TMEM116: variants seen among roughly 807,000 people sequenced by gnomAD.
The protein encoded by TMEM116 is transmembrane protein 116.
A neutral mutation model predicts 44.3 loss-of-function variants in TMEM116; 38 were observed. The observed-to-expected ratio is 0.86, with a 90% CI of 0.66 to 1.12. TMEM116 has a LOEUF of 1.12. Ranked by LOEUF, TMEM116 falls within the 50% of genes most tolerant of loss-of-function variation. The pLI is 0.00. For synonymous variants in TMEM116, 132 were observed against 144.8 expected, an observed-to-expected ratio of 0.91 and a Z score of 0.64; for missense variants, 354 against 401.7, an observed-to-expected ratio of 0.88 and a Z score of 1.01.
chr12:111,942,869 A>G lies in TMEM116; in HGVS notation c.315+396T>C, dbSNP rs1020200138. ...TCAAAAGAATGGAAACAGTGGGAAC[A>G]CGTTTTTTCTTCAATTAACCTCCAT... On this transcript the variant is annotated intron_variant, in intron 5 of 10. Transcript: ENST00000552374. 7.2e-5 allele frequency among the ~76,000 whole-genome samples: 11 copies of G among 152,162 alleles called. 1 individual carries two copies. Among genetic ancestry groups the G allele is most frequent in the African/African-American group, 2.6e-4 (11 of 41,526 alleles).
At position 111,963,431 on chromosome 12, in the gene TMEM116, C is replaced by T. The variant is rs565445716; in HGVS notation, c.211-20062G>A. ...AAGCCTTGGAACCAACCCAAATGCCCGTCAATGATAGACTGGATAAAGAAA... is the reference window on the plus strand; with the variant it reads ...AAGCCTTGGAACCAACCCAAATGCCTGTCAATGATAGACTGGATAAAGAAA... On this transcript the variant is annotated intron_variant, in intron 4 of 10. Transcript: ENST00000552374. 2.0e-5 allele frequency among the ~76,000 whole-genome samples: 3 copies of T among 152,250 alleles called. No homozygotes were observed. In the South Asian group the frequency reaches 6.2e-4, roughly 32 times the overall value.
chr12:112,006,877 T>A (rs928828703), intron 1 of TMEM116, among the ~76,000 whole-genome samples: 2 of 152,220 alleles, frequency 1.3e-5, no homozygotes, highest in Admixed American at 6.5e-5. Flanking sequence ...ATCACTTGCG[T>A]CGCTAGAGTA....
chr12:111,971,346 C>T (rs1320245356), intron 4 of TMEM116, among the ~76,000 whole-genome samples: 3 of 151,692 alleles, frequency 2.0e-5, no homozygotes, highest in African/African-American at 7.3e-5. Context: ...AAGAAAAATG[C>T]ATGACAACAA....
In TMEM116 at chr12:111,943,343, G is replaced by A; in HGVS notation, c.237C>T (p.Tyr79=). 6.2e-7 allele frequency: 1 copy of A among 1,613,818 alleles called. No individual in the cohort carries two copies. Among genetic ancestry groups the A allele is most frequent in the Non-Finnish European group, 8.5e-7 (1 of 1,179,716 alleles). The stretch of plus-strand genomic sequence containing the variant: ...ACAAATACCAGATGTAATTGACGGT[G>A]TAGAGAAATGAGGAAATGTAGAATA... ...GQIFYISSFL[Y]TVNYIWYLYT... is the part of the protein sequence containing the mutation. Residue 79 remains tyrosine, a synonymous_variant, in exon 5 of 11, where the codon TAC becomes TAT. Transcript: ENST00000552374.
intron 4 of TMEM116, among the ~76,000 whole-genome samples, chr12:111,958,350 T>C (rs2074321472): frequency 8.5e-6 from 1 of 117,270 alleles, no homozygotes; most frequent in African/African-American, 3.3e-5. Flanking sequence ...GTCACCAACA[T>C]CAAAGACCAA....
At chr12:111,949,921 C>G (rs61941292) in intron 4 of TMEM116, among the ~76,000 whole-genome samples, 9,899 of 152,158 alleles carry the variant, frequency 0.065, 341 homozygotes, top group South Asian at 0.11. Context: ...TCAAGATCAG[C>G]CTGGTCAACA....
intron 4 of TMEM116, among the ~76,000 whole-genome samples, chr12:111,970,970 A>G (rs1369188568): frequency 6.6e-6 from 1 of 152,234 alleles, no homozygotes; most frequent in African/African-American, 2.4e-5. Context: ...AGGAATAACG[A>G]TAAGAATAAT....
intron 4 of TMEM116, among the ~76,000 whole-genome samples, chr12:111,975,835 A>G (rs112088442): frequency 7.2e-5 from 11 of 152,232 alleles, no homozygotes; most frequent in African/African-American, 2.6e-4. Flanking sequence ...GTCACAGCCC[A>G]AGAGCTCAGG....
At chr12:111,962,033 G>A (rs1340603649) in intron 4 of TMEM116, among the ~76,000 whole-genome samples, 1 of 152,056 alleles carries the variant, frequency 6.6e-6, no homozygotes, top group Non-Finnish European at 1.5e-5. Flanking sequence ...ACAGCAGACA[G>A]AGAGCCAAAG....
At chr12:111,966,838 C>A (rs1453467149) in intron 4 of TMEM116, among the ~76,000 whole-genome samples, 1 of 152,190 alleles carries the variant, frequency 6.6e-6, no homozygotes, top group Non-Finnish European at 1.5e-5. Context: ...AGATCTAGGA[C>A]ATTTCCAAAC....
chr12:111,972,362 A>G (rs1438780591), intron 4 of TMEM116, among the ~76,000 whole-genome samples: 1 of 152,188 alleles, frequency 6.6e-6, no homozygotes, highest in African/African-American at 2.4e-5. Context: ...AACTACAAAG[A>G]GAAATATACA....
At chr12:111,964,930 C>T (rs1413330195) in intron 4 of TMEM116, among the ~76,000 whole-genome samples, 8 of 152,032 alleles carry the variant, frequency 5.3e-5, no homozygotes, top group South Asian at 4.2e-4. Flanking sequence ...TGGACTCAAG[C>T]GATCCTCCCA....
intron 4 of TMEM116, among the ~76,000 whole-genome samples, chr12:111,966,841 T>C (rs1194723621): frequency 6.6e-6 from 1 of 152,192 alleles, no homozygotes; most frequent in Admixed American, 6.5e-5. Flanking sequence ...TCTAGGACAT[T>C]TCCAAACCAA....
chr12:111,934,286 C>G (rs2071941266), intron 8 of TMEM116: 1 of 383,952 alleles, frequency 2.6e-6, no homozygotes, highest in African/African-American at 2.1e-5. Flanking sequence ...AACCTTACAT[C>G]AACCTCTGGG....
chr12:112,008,461 C>CA, intron 1 of TMEM116, among the ~76,000 whole-genome samples: 1 of 150,166 alleles, frequency 6.7e-6, no homozygotes, highest in Admixed American at 6.6e-5. Flanking sequence ...GCCTGGATGA[C>CA]AGAGCAAGAC....
chr12:111,968,369 A>C (rs2075104978), intron 4 of TMEM116, among the ~76,000 whole-genome samples: 2 of 152,222 alleles, frequency 1.3e-5, no homozygotes, highest in Non-Finnish European at 2.9e-5. Flanking sequence ...TACCCACCTA[A>C]CAAATTATAA....
chr12:111,989,102 C>A (rs1424481952), intron 4 of TMEM116, among the ~76,000 whole-genome samples: 1 of 152,136 alleles, frequency 6.6e-6, no homozygotes, highest in Non-Finnish European at 1.5e-5. Flanking sequence ...ATATAAAAAA[C>A]AACCACTTGA....
chr12:112,005,726 AG>A, intron 1 of TMEM116: 1 of 983,648 alleles, frequency 1.0e-6, no homozygotes, highest in Non-Finnish European at 1.2e-6. Context: ...GGGTAGAAAA[AG>A]TTAAATGTTG....
chr12:111,940,530 T>C (rs2072688736), intron 5 of TMEM116, among the ~76,000 whole-genome samples: 2 of 113,328 alleles, frequency 1.8e-5, no homozygotes, highest in Middle Eastern at 4.4e-3. Context: ...TGTGTATATA[T>C]ATATATATAT....
Sources: allele counts gnomAD v4.1 joint callset (sites outside exome capture counted in the v4.1 genomes callset), GRCh38; gene constraint gnomAD v4.1.1; transcripts MANE v1.5; gene names NCBI Gene and HGNC (gene_info 2026-07-23, HGNC 2026-07-21).